The following NPAS3 variants were observed in gnomAD, a reference collection of about 807,000 sequenced individuals.
NPAS3 encodes the protein neuronal PAS domain protein 3.
In NPAS3, 14 loss-of-function variants were observed where a neutral mutation model predicts 73.1. The observed-to-expected ratio is 0.19, with a 90% confidence interval of 0.13 to 0.30. NPAS3 has a LOEUF of 0.30. Ranked by LOEUF, NPAS3 falls within the 10% of genes least tolerant of loss-of-function variation. NPAS3 has a pLI of 1.00. For missense variants in NPAS3, 1,096 were observed against 1,250.0 expected (o/e 0.88, Z 1.86); for synonymous variants, 620 against 541.5 (o/e 1.14, Z -2.01).
intron 3 of NPAS3, among the ~76,000 whole-genome samples, chr14:33,313,399 C>A (rs1046068190): frequency 7.2e-5 from 11 of 151,962 alleles, no homozygotes; most frequent in African/African-American, 2.4e-4. Context: ...AGAGAGAAAC[C>A]AGTCAGAATA....
intron 7 of NPAS3, among the ~76,000 whole-genome samples, chr14:33,735,981 A>T (rs1040418791): frequency 3.3e-5 from 5 of 152,222 alleles, no homozygotes; most frequent in African/African-American, 9.6e-5. Context: ...GGAAATTCCA[A>T]TGTTTCAGTT....
chr14:33,565,503 A>G (rs951493024), intron 5 of NPAS3, among the ~76,000 whole-genome samples: 1 of 152,244 alleles, frequency 6.6e-6, no homozygotes, highest in Non-Finnish European at 1.5e-5. Flanking sequence ...GCTTTTCCAA[A>G]GTGCAAGGCT....
rs1007530297 is a variant in NPAS3, at chr14:33,246,815, G to T, written c.385+31389G>T. Among the ~76,000 whole-genome samples, 5 of 107,206 alleles carry T rather than the reference G, an allele frequency of 4.7e-5. No individual in the cohort carries two copies. The Admixed American group carries it at 5.7e-4, about 12-fold the overall frequency. 70.3% of individuals were successfully genotyped at this position (107,206 alleles called of 152,430 possible). A position where few individuals can be genotyped will look rare whatever the true frequency, so the allele number is the denominator to read the frequency against. On this transcript the variant is annotated intron_variant, in intron 3 of 11. Transcript: ENST00000356141. ...TCGAGACCAGGCTGGCCAACATGGT[G>T]AAACCTCATCTCTATTAAAAATACA... is the stretch of plus-strand genomic sequence containing the variant.
intron 1 of NPAS3, among the ~76,000 whole-genome samples, chr14:33,050,925 G>A (rs2040680004): frequency 6.6e-6 from 1 of 152,218 alleles, no homozygotes; most frequent in Non-Finnish European, 1.5e-5. Context: ...TCAGCAGGTA[G>A]TGAAGTAGAT....
At chr14:33,734,388 A>T (rs2061474272) in intron 6 of NPAS3, among the ~76,000 whole-genome samples, 1 of 152,202 alleles carries the variant, frequency 6.6e-6, no homozygotes, top group Non-Finnish European at 1.5e-5. Flanking sequence ...AGGTGTTTTT[A>T]CATCAGCAAG....
At chr14:33,744,630 A>G (rs1435063911) in intron 7 of NPAS3, among the ~76,000 whole-genome samples, 1 of 151,998 alleles carries the variant, frequency 6.6e-6, no homozygotes, top group Non-Finnish European at 1.5e-5. Flanking sequence ...TCTACCAAAT[A>G]TACAAAAAAA....
chr14:33,363,922 C>CTGTGTG (rs10627532), intron 3 of NPAS3, among the ~76,000 whole-genome samples: 32,589 of 148,570 alleles, frequency 0.22, 3,790 homozygotes, highest in East Asian at 0.52. Context: ...GCAATGCCCT[C>CTGTGTG]TGTGTGTGTG....
intron 4 of NPAS3, among the ~76,000 whole-genome samples, chr14:33,539,810 G>A (rs2054426719): frequency 6.6e-6 from 1 of 152,104 alleles, no homozygotes; most frequent in Non-Finnish European, 1.5e-5. Flanking sequence ...TTAATATTAT[G>A]CAGGCTAATA....
At chr14:33,045,658 G>A (rs931900860) in intron 1 of NPAS3, among the ~76,000 whole-genome samples, 1 of 152,134 alleles carries the variant, frequency 6.6e-6, no homozygotes, top group African/African-American at 2.4e-5. Context: ...AGTTCAACTG[G>A]CAAGAGGGCT....
intron 7 of NPAS3, among the ~76,000 whole-genome samples, chr14:33,765,261 A>T (rs546022556): frequency 1.8e-4 from 28 of 151,964 alleles, no homozygotes; most frequent in African/African-American, 6.8e-4. Flanking sequence ...TTTAAAAATA[A>T]TTTTTTATTT....
At chr14:32,967,335 CTG>C (rs1158592915) in intron 1 of NPAS3, among the ~76,000 whole-genome samples, 1 of 152,192 alleles carries the variant, frequency 6.6e-6, no homozygotes, top group African/African-American at 2.4e-5. Flanking sequence ...TGGAAATCAA[CTG>C]TTTATGTTAT....
At chr14:33,353,123 C>G (rs1363134061) in intron 3 of NPAS3, among the ~76,000 whole-genome samples, 1 of 149,130 alleles carries the variant, frequency 6.7e-6, no homozygotes, top group Non-Finnish European at 1.5e-5. Context: ...ATAGAAAGTT[C>G]AACCTCAGTG....
chr14:33,386,852 T>C (rs1242120400), intron 4 of NPAS3, among the ~76,000 whole-genome samples: 1 of 152,172 alleles, frequency 6.6e-6, no homozygotes, highest in African/African-American at 2.4e-5. Context: ...TTCATAACTA[T>C]GTATTCCAAT....
intron 5 of NPAS3, among the ~76,000 whole-genome samples, chr14:33,622,413 A>T (rs966519612): frequency 1.3e-5 from 2 of 152,220 alleles, no homozygotes; most frequent in Non-Finnish European, 2.9e-5. Context: ...TCCCTTGATA[A>T]TTCAGGCAAC....
exon 7 of NPAS3, chr14:33,735,284 A>G (rs142278370): frequency 3.6e-4 from 585 of 1,613,712 alleles, no homozygotes; most frequent in Non-Finnish European, 4.7e-4. Context: ...TCCGAATGAA[A>G]TCTACTCTGA....
Position 33,774,445 on chromosome 14 carries a change from C to T in NPAS3, c.961C>T (p.Pro321Ser), listed in dbSNP as rs183364753. 7 of 1,614,056 alleles carry T rather than the reference C, an allele frequency of 4.3e-6. No individual in the cohort carries two copies. In the African/African-American group the frequency reaches 6.7e-5, roughly 15 times the overall value. Residue 321 changes from proline (P) to serine (S), a missense_variant, in exon 8 of 12, where the codon CCT becomes TCT. By Grantham distance (74) the Pro-to-Ser change is moderately conservative. This residue lies in a region of NPAS3 where 215 missense variants were observed against 260.0 expected (regional missense o/e 0.83). Transcript: ENST00000356141. ...GGTTGTTGCGCATGCCTTGCCTCCC[C>T]CTACGATCAATGAAGTCAGAATTGA...
chr14:33,429,108 A>G (rs1231082504), intron 4 of NPAS3, among the ~76,000 whole-genome samples: 1 of 152,170 alleles, frequency 6.6e-6, no homozygotes, highest in African/African-American at 2.4e-5. Context: ...TAAGGATGTC[A>G]TGTAGAAGTG....
intron 2 of NPAS3, among the ~76,000 whole-genome samples, chr14:33,199,856 G>C (rs755115861): frequency 1.3e-5 from 2 of 151,962 alleles, no homozygotes; most frequent in Non-Finnish European, 2.9e-5. Flanking sequence ...TGACTTTTAA[G>C]GACATTCAGA....
chr14:33,142,263 A>G lies in NPAS3; in HGVS notation c.141-72919A>G, dbSNP rs1406970984. Among the ~76,000 whole-genome samples the G allele has an allele frequency of 8.3e-5, 7 of 84,066 alleles. No homozygotes were observed. The Admixed American group carries it at 1.1e-3, about 13-fold the overall frequency. 55.2% of individuals were successfully genotyped at this position (84,066 alleles called of 152,430 possible). A position where few individuals can be genotyped will look rare whatever the true frequency, so the allele number is the denominator to read the frequency against. ...TCTGGGATTTTTTTTCAGTACTTTT[A>G]CACTTAAAAAGGAATACTTCCCTAT... On this transcript the variant is annotated intron_variant, in intron 2 of 11. Coordinates refer to ENST00000356141, the Ensembl canonical transcript of NPAS3.
Sources: allele counts gnomAD v4.1 joint callset (sites outside exome capture counted in the v4.1 genomes callset), GRCh38; gene constraint gnomAD v4.1.1; regional missense constraint gnomAD v4.1.1; transcripts MANE v1.5; gene names NCBI Gene and HGNC (gene_info 2026-07-23, HGNC 2026-07-21).